The following VAV3 variants were observed in gnomAD, a reference collection of about 807,000 sequenced individuals.
VAV3 encodes guanine nucleotide exchange factor VAV3.
VAV3 carries 94 observed loss-of-function variants against 131.2 expected under a neutral mutation model. That is an observed-to-expected ratio of 0.72 (90% confidence interval 0.61 to 0.85). The LOEUF is 0.85. Ranked by LOEUF, VAV3 falls within the 40% of genes least tolerant of loss-of-function variation. VAV3 has a pLI of 0.00. For synonymous variants in VAV3, 349 were observed against 342.0 expected (o/e 1.02, Z -0.22); for missense variants, 939 against 1,002.7 (o/e 0.94, Z 0.86).
intron 1 of VAV3, among the ~76,000 whole-genome samples, chr1:107,939,246 T>C (rs1673869125): frequency 6.6e-6 from 1 of 152,224 alleles, no homozygotes; most frequent in Non-Finnish European, 1.5e-5. Context: ...TAAATCTCCT[T>C]GCAAGTCCAA....
At position 107,595,286 on chromosome 1, in the gene VAV3, G is replaced by A. The variant is rs780714464; in HGVS notation, c.2350+926C>T. ...GACAGATTGTTTGTTTACTTGAATT[G>A]AAATGTATAAAACTTCACTGATGTT... On this transcript the variant is annotated intron_variant, in intron 25 of 26. Transcript: ENST00000370056. Among the ~76,000 whole-genome samples the A allele has an allele frequency of 2.6e-5, 4 of 152,078 alleles. No individual in the cohort carries two copies. The South Asian group carries it at 8.3e-4, about 32-fold the overall frequency.
chr1:107,739,400 T>A (rs1248762049), intron 15 of VAV3, among the ~76,000 whole-genome samples: 1 of 152,172 alleles, frequency 6.6e-6, no homozygotes, highest in Non-Finnish European at 1.5e-5. Context: ...CCAGTATAGT[T>A]CCCTATCCTG....
At chr1:107,723,925 T>C (rs1363059596) in intron 15 of VAV3, among the ~76,000 whole-genome samples, 1 of 152,148 alleles carries the variant, frequency 6.6e-6, no homozygotes, top group Non-Finnish European at 1.5e-5. Context: ...ACATCGTAAA[T>C]GCTACAATAC....
intron 20 of VAV3, 60 bp downstream of exon 20, chr1:107,642,559 A>T: frequency 6.3e-7 from 1 of 1,579,488 alleles, no homozygotes; most frequent in Non-Finnish European, 8.6e-7. Flanking sequence ...CTTCTTGGGC[A>T]AGATTTAAGA....
chr1:107,704,988 A>C lies in VAV3; in HGVS notation c.1576T>G (p.Ser526Ala). The change falls in exon 16 of 27, where the codon TCC becomes GCC. Residue 526 changes from serine to alanine, a missense_variant. Physicochemically the swap from Ser to Ala is moderately conservative, Grantham distance 99. Transcript: ENST00000370056. ...AGGAGCATCTGGCAGACTTTGCAGG[A>C]TGTGACTCGAGTGAAGGTATGCATC... ...FKMHTFTRVT[S>A]CKVCQMLLRG... is the part of the protein sequence containing the mutation. 1 of 1,613,974 alleles carries C rather than the reference A, an allele frequency of 6.2e-7. No homozygotes were observed. The highest frequency in any genetic ancestry group is 8.5e-7 in the Non-Finnish European group (1 of 1,179,922).
chr1:107,872,129 A>G (rs897619624), intron 2 of VAV3, among the ~76,000 whole-genome samples: 1 of 152,138 alleles, frequency 6.6e-6, no homozygotes, highest in African/African-American at 2.4e-5. Flanking sequence ...AGGACTGAGA[A>G]GCCAGAGGCC....
intron 20 of VAV3, among the ~76,000 whole-genome samples, chr1:107,620,868 C>T (rs1188399878): frequency 1.3e-5 from 2 of 152,000 alleles, no homozygotes; most frequent in African/African-American, 4.8e-5. Flanking sequence ...AGGTGTTCCA[C>T]ACAAAAGACA....
intron 12 of VAV3, among the ~76,000 whole-genome samples, chr1:107,751,541 C>T (rs1037874127): frequency 6.6e-6 from 1 of 152,186 alleles, no homozygotes; most frequent in African/African-American, 2.4e-5. Flanking sequence ...TACGTGCCAA[C>T]CACCATAACA....
chr1:107,777,156 A>T (rs905384604), intron 4 of VAV3, 75 bp downstream of exon 4: 1 of 1,326,094 alleles, frequency 7.5e-7, no homozygotes, highest in Non-Finnish European at 1.1e-6. Context: ...AGCTTACTTT[A>T]ACATCCACAG....
intron 19 of VAV3, among the ~76,000 whole-genome samples, chr1:107,665,298 G>T (rs929243702): frequency 9.2e-5 from 14 of 152,158 alleles, no homozygotes; most frequent in Non-Finnish European, 8.8e-5. Flanking sequence ...GGACAACAAG[G>T]GGTGCATTGT....
At chr1:107,852,847 C>G (rs543342184) in intron 2 of VAV3, among the ~76,000 whole-genome samples, 68 of 152,238 alleles carry the variant, frequency 4.5e-4, no homozygotes, top group African/African-American at 1.6e-3. Flanking sequence ...TTATCAGCAA[C>G]CACTCTATCT....
chr1:107,710,476 T>C (rs1013374822), intron 15 of VAV3, among the ~76,000 whole-genome samples: 2 of 152,172 alleles, frequency 1.3e-5, no homozygotes, highest in Admixed American at 6.5e-5. Context: ...ACAGAAAATA[T>C]ATATTTTGGC....
At chr1:107,845,284 C>A (rs1477459047) in intron 2 of VAV3, among the ~76,000 whole-genome samples, 1 of 152,126 alleles carries the variant, frequency 6.6e-6, no homozygotes, top group Non-Finnish European at 1.5e-5. Flanking sequence ...CACAAAAACC[C>A]CATTCAAAGA....
At chr1:107,609,881 C>G in intron 22 of VAV3, 50 bp downstream of exon 22, 1 of 1,579,396 alleles carries the variant, frequency 6.3e-7, no homozygotes. Flanking sequence ...CATCCTGGAG[C>G]TAAGGGTATG....
chr1:107,693,657 C>G (rs1659573089), intron 17 of VAV3, among the ~76,000 whole-genome samples: 1 of 152,096 alleles, frequency 6.6e-6, no homozygotes, highest in Non-Finnish European at 1.5e-5. Context: ...CCTATAACAT[C>G]ATTAAAAATT....
At chr1:107,956,640 G>A (rs969064208) in intron 1 of VAV3, among the ~76,000 whole-genome samples, 2 of 152,052 alleles carry the variant, frequency 1.3e-5, no homozygotes, top group African/African-American at 4.8e-5. Flanking sequence ...GAAATTGTAG[G>A]ACCCGTAAAA....
intron 2 of VAV3, among the ~76,000 whole-genome samples, chr1:107,867,357 G>A (rs1440673015): frequency 6.6e-6 from 1 of 152,100 alleles, no homozygotes; most frequent in Non-Finnish European, 1.5e-5. Context: ...GCATGGCTCG[G>A]GTACTAAAGT....
intron 1 of VAV3, among the ~76,000 whole-genome samples, chr1:107,889,277 GT>G (rs1308266238): frequency 2.0e-5 from 3 of 151,838 alleles, no homozygotes; most frequent in African/African-American, 7.3e-5. Context: ...TATTAAAGAT[GT>G]TTGATAAAAA....
rs149114755 is a variant in VAV3, at chr1:107,824,388, T to C, written c.322-44896A>G. On this transcript the variant is annotated intron_variant, in intron 2 of 26. Coordinates refer to ENST00000370056, the MANE Select transcript of VAV3 (RefSeq NM_006113.5). The stretch of plus-strand genomic sequence containing the variant: ...TTTGTTTTACAGTGAAGGAAACTAT[T>C]AACACATGTGTATATTGATGAGGAT... 9.2e-5 allele frequency among the ~76,000 whole-genome samples: 14 copies of C among 152,282 alleles called. No homozygotes were observed. In the East Asian group the frequency reaches 2.5e-3, roughly 27 times the overall value.
Sources: allele counts gnomAD v4.1 joint callset (sites outside exome capture counted in the v4.1 genomes callset), GRCh38; gene constraint gnomAD v4.1.1; transcripts MANE v1.5; gene names NCBI Gene and HGNC (gene_info 2026-07-23, HGNC 2026-07-21).